PCDH15: variants seen among roughly 807,000 people sequenced by gnomAD.
The protein encoded by PCDH15 is protocadherin-15.
A neutral mutation model predicts 178.5 loss-of-function variants in PCDH15; 129 were observed. The observed-to-expected ratio is 0.72, with a 90% confidence interval of 0.63 to 0.84. The LOEUF is 0.84. PCDH15 is among the 40% of genes least tolerant of loss of function. The pLI is 0.00. For synonymous variants in PCDH15, 800 were observed against 732.0 expected (o/e 1.09, Z -1.50); for missense variants, 2,230 against 2,099.9 (o/e 1.06, Z -1.21).
At chr10:55,185,419 T>C (rs570527177) in intron 1 of PCDH15, among the ~76,000 whole-genome samples, 1 of 151,904 alleles carries the variant, frequency 6.6e-6, no homozygotes, top group South Asian at 2.1e-4. Context: ...AAAAATCAGC[T>C]CAGAATCTTT....
At chr10:55,346,836 C>A (rs1440918635) in intron 2 of PCDH15, among the ~76,000 whole-genome samples, 6 of 151,680 alleles carry the variant, frequency 4.0e-5, no homozygotes, top group African/African-American at 2.4e-5. Flanking sequence ...GATGAAAGTT[C>A]AAGTGATTGA....
intron 2 of PCDH15, among the ~76,000 whole-genome samples, chr10:55,568,796 G>T (rs949464206): frequency 4.6e-5 from 7 of 152,006 alleles, no homozygotes; most frequent in Admixed American, 4.6e-4. Context: ...TGATCACTAG[G>T]GATGCTCTGG....
intron 2 of PCDH15, among the ~76,000 whole-genome samples, chr10:55,123,027 A>G (rs1837810596): frequency 6.6e-6 from 1 of 152,124 alleles, no homozygotes; most frequent in African/African-American, 2.4e-5. Context: ...ATTATTCAAT[A>G]CAGAGAGAAA....
chr10:54,596,103 T>C (rs2092222681), intron 2 of PCDH15, among the ~76,000 whole-genome samples: 1 of 151,790 alleles, frequency 6.6e-6, no homozygotes, highest in South Asian at 2.1e-4. Context: ...ATTCAGAAAA[T>C]GAAGAGAACT....
intron 8 of PCDH15, among the ~76,000 whole-genome samples, chr10:54,316,367 A>G (rs1591762304): frequency 6.6e-6 from 1 of 152,256 alleles, no homozygotes; most frequent in East Asian, 1.9e-4. Flanking sequence ...TTCAGTTCTC[A>G]TGTATTTTGA....
chr10:54,633,835 G>A (rs1304233708), intron 2 of PCDH15, among the ~76,000 whole-genome samples: 1 of 152,062 alleles, frequency 6.6e-6, no homozygotes. Flanking sequence ...ATGGAGAACT[G>A]AAAAACTAAA....
At chr10:54,855,005 C>T (rs1269846976) in intron 3 of PCDH15, among the ~76,000 whole-genome samples, 1 of 152,236 alleles carries the variant, frequency 6.6e-6, no homozygotes, top group East Asian at 1.9e-4. Context: ...ATCCACGTTT[C>T]TCTTAGGCTT....
At chr10:54,144,392 C>T (rs188380429) in intron 14 of PCDH15, among the ~76,000 whole-genome samples, 1 of 152,172 alleles carries the variant, frequency 6.6e-6, no homozygotes, top group Admixed American at 6.6e-5. Flanking sequence ...GAGTTCCTTC[C>T]TCAGAAAACC....
At chr10:55,362,721 GATTACCAC>G (rs1845259490) in intron 2 of PCDH15, among the ~76,000 whole-genome samples, 1 of 152,026 alleles carries the variant, frequency 6.6e-6, no homozygotes, top group Non-Finnish European at 1.5e-5. Context: ...AGATTCATGT[GATTACCAC>G]CACAGTCAAG....
At chr10:54,605,680 T>G (rs1348686209) in intron 2 of PCDH15, 1 of 152,184 alleles carries the variant, frequency 6.6e-6, no homozygotes, top group Admixed American at 6.6e-5. Flanking sequence ...TTCCAATTTC[T>G]TCTCTCCTCA....
chr10:55,534,587 G>T (rs149724380), intron 2 of PCDH15, among the ~76,000 whole-genome samples: 28 of 152,192 alleles, frequency 1.8e-4, no homozygotes, highest in African/African-American at 6.7e-4. Flanking sequence ...TGGCAATGTT[G>T]CAGAGAAAAG....
chr10:53,956,895 C>T (rs1344542418), intron 23 of PCDH15, among the ~76,000 whole-genome samples: 2 of 152,132 alleles, frequency 1.3e-5, no homozygotes, highest in Non-Finnish European at 1.5e-5. Flanking sequence ...TAGTTCTATG[C>T]AGAGACGGTA....
chr10:53,866,528 A>T, intron 27 of PCDH15, 114 bp downstream of exon 27: 2 of 739,062 alleles, frequency 2.7e-6, no homozygotes, highest in Non-Finnish European at 4.8e-6. Context: ...GAAAATAATA[A>T]TTATGTTTTT....
intron 1 of PCDH15, among the ~76,000 whole-genome samples, chr10:55,278,758 C>A (rs1302357529): frequency 1.3e-5 from 2 of 152,082 alleles, no homozygotes; most frequent in Non-Finnish European, 2.9e-5. Flanking sequence ...ATGAAAAATA[C>A]CATTGAATCA....
At chr10:54,189,349 AC>A (rs1344609096) in intron 11 of PCDH15, 2 of 1,571,642 alleles carry the variant, frequency 1.3e-6, no homozygotes, top group Non-Finnish European at 1.7e-6. Flanking sequence ...CACAAGCTTA[AC>A]ACCTAGTACC....
At chr10:55,035,038 A>C (rs1020470363) in intron 2 of PCDH15, among the ~76,000 whole-genome samples, 1 of 152,122 alleles carries the variant, frequency 6.6e-6, no homozygotes, top group Admixed American at 6.6e-5. Flanking sequence ...TGTCTTCAGA[A>C]AAGAAATGTT....
intron 2 of PCDH15, among the ~76,000 whole-genome samples, chr10:55,430,212 G>T (rs11004854): frequency 0.23 from 34,235 of 152,038 alleles, 5,144 homozygotes; most frequent in Non-Finnish European, 0.34. Context: ...GATGACTTGA[G>T]CCCTGGAGGT....
chr10:54,934,665 G>C (rs901551658), intron 2 of PCDH15, among the ~76,000 whole-genome samples: 1 of 151,134 alleles, frequency 6.6e-6, no homozygotes, highest in African/African-American at 2.4e-5. Flanking sequence ...GTGGAAGTCA[G>C]TGTGGCGATT....
chr10:54,313,508 C>T (rs1161937373), intron 8 of PCDH15, among the ~76,000 whole-genome samples: 1 of 152,108 alleles, frequency 6.6e-6, no homozygotes, highest in Non-Finnish European at 1.5e-5. Flanking sequence ...TGTCCACCTA[C>T]AGAGTGAATC....
Sources: allele counts gnomAD v4.1 joint callset (sites outside exome capture counted in the v4.1 genomes callset), GRCh38; gene constraint gnomAD v4.1.1; transcripts MANE v1.5; gene names NCBI Gene and HGNC (gene_info 2026-07-23, HGNC 2026-07-21).